Variants in PHKB observed in about 807,000 individuals in gnomAD.
PHKB encodes phosphorylase b kinase regulatory subunit beta.
PHKB carries 122 observed loss-of-function variants against 152.1 expected under a neutral mutation model. The ratio of observed to expected loss-of-function variants is 0.80; its 90% CI spans 0.69 to 0.93. PHKB has a LOEUF of 0.93. Among genes scored for constraint, PHKB ranks in the 40% least tolerant of loss-of-function variants. PHKB has a pLI of 0.00. For synonymous variants in PHKB, 436 were observed against 464.9 expected, an observed-to-expected ratio of 0.94 and a Z score of 0.80; for missense variants, 1,304 against 1,328.4, an observed-to-expected ratio of 0.98 and a Z score of 0.29.
At chr16:47,532,490 A>G (rs914961079) in intron 6 of PHKB, among the ~76,000 whole-genome samples, 1 of 152,244 alleles carries the variant, frequency 6.6e-6, no homozygotes, top group Non-Finnish European at 1.5e-5. Context: ...ATGCCTGCCA[A>G]GGATGAGCCA....
intron 1 of PHKB, among the ~76,000 whole-genome samples, chr16:47,497,158 G>A (rs576880431): frequency 2.6e-5 from 4 of 152,312 alleles, no homozygotes; most frequent in Admixed American, 2.6e-4. Flanking sequence ...GTTGGATTGA[G>A]TGCTGGAGGT....
intron 26 of PHKB, among the ~76,000 whole-genome samples, chr16:47,683,363 T>C (rs1463613100): frequency 6.6e-6 from 1 of 152,146 alleles, no homozygotes; most frequent in Non-Finnish European, 1.5e-5. Flanking sequence ...CCCCCAGAGG[T>C]GGAGCCTACA....
In PHKB at chr16:47,461,341, C is replaced by T. The variant is rs1400891457; in HGVS notation, c.-10C>T. 6.2e-7 allele frequency: 1 copy of T among 1,605,988 alleles called. No individual in the cohort carries two copies. The highest frequency in any genetic ancestry group is 2.2e-5 in the East Asian group (1 of 44,648). On this transcript the variant is annotated 5_prime_UTR_variant, in exon 1 of 31. Transcript: ENST00000323584. Reference sequence around the variant, plus strand: ...CCGGGGGCGGTGGCCAAGGCGGCGACCGGAGCGCGATGGCGGGGGCGGCGG... The same window carrying T: ...CCGGGGGCGGTGGCCAAGGCGGCGATCGGAGCGCGATGGCGGGGGCGGCGG...
intron 25 of PHKB, among the ~76,000 whole-genome samples, chr16:47,668,476 A>G (rs1351859528): frequency 6.6e-6 from 1 of 152,160 alleles, no homozygotes; most frequent in Non-Finnish European, 1.5e-5. Flanking sequence ...GTATTCAGGG[A>G]GAAGGGCGGC....
intron 20 of PHKB, among the ~76,000 whole-genome samples, chr16:47,656,314 G>A (rs992520325): frequency 6.6e-6 from 1 of 152,158 alleles, no homozygotes; most frequent in African/African-American, 2.4e-5. Flanking sequence ...ACCGCGCCTG[G>A]CCAAGTTTTA....
chr16:47,603,553 G>C (rs890485223), intron 13 of PHKB, among the ~76,000 whole-genome samples: 1 of 150,246 alleles, frequency 6.7e-6, no homozygotes, highest in Non-Finnish European at 1.5e-5. Context: ...GCCCAGGCTG[G>C]TGTGCAGTGG....
chr16:47,620,890 TA>T (rs1193629058), intron 14 of PHKB, among the ~76,000 whole-genome samples: 7 of 142,120 alleles, frequency 4.9e-5, no homozygotes, highest in Non-Finnish European at 7.4e-5. Context: ...ATAAAAAATA[TA>T]AAAAAAAAGA....
chr16:47,494,952 A>T (rs897004738), intron 1 of PHKB, among the ~76,000 whole-genome samples: 1 of 152,126 alleles, frequency 6.6e-6, no homozygotes, highest in East Asian at 1.9e-4. Flanking sequence ...GTTTAATTTT[A>T]TGTAGTTACT....
In PHKB at chr16:47,566,797, CAT is replaced by C. The variant is rs1971575865; in HGVS notation, c.711-13496_711-13495del. 5.5e-6 allele frequency: 4 copies of C among 731,238 alleles called. No homozygotes were observed. In the Admixed American group the frequency reaches 7.0e-5, roughly 13 times the overall value. 45.3% of individuals were successfully genotyped at this position (731,238 alleles called of 1,614,324 possible). A position where few individuals can be genotyped will look rare whatever the true frequency, so the allele number is the denominator to read the frequency against. ...TGAGCCCAGCTGACTGGTTTGGAAA[CAT>C]AAGTGCTTCCTCCACCAGTCCCTCC... On this transcript the variant is annotated intron_variant, in intron 7 of 30. Transcript: ENST00000323584.
chr16:47,494,628 A>G (rs993944078), intron 1 of PHKB, among the ~76,000 whole-genome samples: 1 of 152,256 alleles, frequency 6.6e-6, no homozygotes, highest in East Asian at 1.9e-4. Context: ...GATAAGTTTT[A>G]TTTTACTTTG....
intron 6 of PHKB, among the ~76,000 whole-genome samples, chr16:47,522,775 G>A (rs893161839): frequency 6.6e-6 from 1 of 151,070 alleles, no homozygotes; most frequent in African/African-American, 2.4e-5. Flanking sequence ...GATTTCTCTC[G>A]TGAGTTTTTC....
At chr16:47,510,704 A>G (rs991906899) in intron 4 of PHKB, among the ~76,000 whole-genome samples, 1 of 152,178 alleles carries the variant, frequency 6.6e-6, no homozygotes, top group East Asian at 1.9e-4. Flanking sequence ...TTTTTTTAAG[A>G]TAGTATTTTA....
At chr16:47,580,653 A>G (rs1971828634) in intron 8 of PHKB, among the ~76,000 whole-genome samples, 1 of 151,552 alleles carries the variant, frequency 6.6e-6, no homozygotes, top group Non-Finnish European at 1.5e-5. Flanking sequence ...CATTTTGTAG[A>G]AGGTTTCACA....
intron 4 of PHKB, among the ~76,000 whole-genome samples, chr16:47,508,832 G>A (rs1470926654): frequency 2.6e-5 from 4 of 152,088 alleles, no homozygotes; most frequent in African/African-American, 9.7e-5. Flanking sequence ...CATACAGCAT[G>A]CCCCATTAAT....
intron 7 of PHKB, among the ~76,000 whole-genome samples, chr16:47,549,266 T>G (rs765539943): frequency 2.0e-5 from 3 of 152,364 alleles, no homozygotes; most frequent in Non-Finnish European, 4.4e-5. Context: ...ATTTTTAAAA[T>G]TTACCTTTTC....
At chr16:47,487,063 CACTG>C (rs1392834909) in intron 1 of PHKB, among the ~76,000 whole-genome samples, 2 of 152,194 alleles carry the variant, frequency 1.3e-5, no homozygotes, top group African/African-American at 4.8e-5. Context: ...AGGTGGTAAA[CACTG>C]ACTGATTCCT....
At position 47,566,704 on chromosome 16, in the gene PHKB, C is replaced by T. The variant is rs536109010; in HGVS notation, c.711-13591C>T. ...AGGATGGAACGGTCAATTGGAGGTG[C>T]CCTATACACATCTTCATCATTACTG... On this transcript the variant is annotated intron_variant, in intron 7 of 30. Coordinates refer to ENST00000323584, the MANE Select transcript of PHKB (RefSeq NM_000293.3). The T allele has an allele frequency of 5.8e-5, 46 of 788,440 alleles. No homozygotes were observed. The South Asian group carries it at 5.9e-4, about 10-fold the overall frequency. 48.8% of individuals were successfully genotyped at this position (788,440 alleles called of 1,614,324 possible). A position where few individuals can be genotyped will look rare whatever the true frequency, so the allele number is the denominator to read the frequency against.
intron 1 of PHKB, 74 bp downstream of exon 1, chr16:47,461,500 G>A (rs1244923380): frequency 6.9e-7 from 1 of 1,453,458 alleles, no homozygotes; most frequent in Non-Finnish European, 9.6e-7. Context: ...CTTGGCGGGA[G>A]GCAGGTGGGG....
intron 6 of PHKB, 40 bp downstream of exon 6, chr16:47,515,641 C>A (rs1342815298): frequency 3.6e-6 from 3 of 828,590 alleles, no homozygotes; most frequent in Non-Finnish European, 6.4e-6. Context: ...AATTTCACCT[C>A]TGAAAATATC....
Sources: gnomAD v4.1 joint callset for allele counts (sites outside exome capture counted in the v4.1 genomes callset) on GRCh38, gnomAD v4.1.1 for gene constraint, MANE v1.5 for transcripts, NCBI Gene and HGNC (gene_info 2026-07-23, HGNC 2026-07-21) for gene names.